The following CDKL5 variants were observed in gnomAD, a reference collection of about 807,000 sequenced individuals.
CDKL5 encodes cyclin dependent kinase like 5.
Under a neutral mutation model 61.7 loss-of-function variants are expected in CDKL5, and 8 were observed. The observed-to-expected ratio is 0.13, with a 90% CI of 0.08 to 0.23. The LOEUF is 0.23. Ranked by LOEUF, CDKL5 falls within the 10% of genes least tolerant of loss-of-function variation. The pLI, the probability that CDKL5 is intolerant of heterozygous loss-of-function variation, is 1.00. For missense variants in CDKL5, 440 were observed against 734.5 expected, an observed-to-expected ratio of 0.60 and a Z score of 4.63; for synonymous variants, 275 against 272.3, an observed-to-expected ratio of 1.01 and a Z score of -0.10.
In CDKL5 at chrX:18,633,348, T is replaced by C. The variant is rs1927286605; in HGVS notation, c.*4591T>C. ...TTACTTATGGTTTGAAGAACCACAA[T>C]TGTTTTTGAAAGGGGACATAGAAAA... On this transcript the variant is annotated 3_prime_UTR_variant, in exon 18 of 18. Transcript: ENST00000623535. The C allele has an allele frequency of 2.1e-5, 16 of 752,773 alleles. No homozygotes were observed. The highest frequency in any genetic ancestry group is 2.5e-5 in the Non-Finnish European group (16 of 639,051). The allele number at this position is 752,773 out of a possible 1,213,427, so 62.0% of individuals were successfully genotyped here.
chrX:18,472,549 T>C (rs1161221182), intron 1 of CDKL5, among the ~76,000 whole-genome samples: 2 of 111,824 alleles, frequency 1.8e-5, no homozygotes, highest in African/African-American at 6.5e-5. Flanking sequence ...TATTCCACTC[T>C]AGCAATAATG....
rs577247191 is a variant in CDKL5, at chrX:18,508,275, T to A, written c.64+1115T>A. The stretch of plus-strand genomic sequence containing the variant: ...TGAACAGCAAAGCTGTTATTAAGTT[T>A]TAAAGTTGGCAAATCCTTTCAAATA... On this transcript the variant is annotated intron_variant, in intron 2 of 17. Coordinates refer to ENST00000623535, the MANE Select transcript of CDKL5 (RefSeq NM_001323289.2). 2.7e-5 allele frequency among the ~76,000 whole-genome samples: 3 copies of A among 112,530 alleles called. No individual in the cohort carries two copies. In the South Asian group the frequency reaches 1.1e-3, roughly 40 times the overall value.
chrX:18,624,391 G>A (rs1179802955), intron 16 of CDKL5, among the ~76,000 whole-genome samples: 2 of 112,598 alleles, frequency 1.8e-5, no homozygotes, highest in African/African-American at 3.2e-5. Context: ...AAGCCAAGTT[G>A]AATTGACCAA....
chrX:18,454,034 A>G (rs1932082769), intron 1 of CDKL5, among the ~76,000 whole-genome samples: 1 of 111,608 alleles, frequency 9.0e-6, no homozygotes, highest in African/African-American at 3.3e-5. Flanking sequence ...GGTGGTTAGT[A>G]TCCTTGGGGC....
chrX:18,507,989 GA>G (rs1217148129), intron 2 of CDKL5, among the ~76,000 whole-genome samples: 1 of 110,750 alleles, frequency 9.0e-6, no homozygotes, highest in Non-Finnish European at 1.9e-5. Flanking sequence ...CCATTGATTT[GA>G]TGAAATATGA....
At chrX:18,467,400 G>A (rs1230026559) in intron 1 of CDKL5, among the ~76,000 whole-genome samples, 1 of 111,667 alleles carries the variant, frequency 9.0e-6, no homozygotes, top group Admixed American at 9.6e-5. Flanking sequence ...AGTGGGATCA[G>A]TTCTTCTTTC....
chrX:18,473,145 AG>A (rs1338528924), intron 1 of CDKL5, among the ~76,000 whole-genome samples: 1 of 108,449 alleles, frequency 9.2e-6, no homozygotes, highest in African/African-American at 3.4e-5. Flanking sequence ...TAGTAGAGAG[AG>A]GGGGGTTTCA....
chrX:18,473,136 A>G (rs1460389380), intron 1 of CDKL5, among the ~76,000 whole-genome samples: 3 of 108,620 alleles, frequency 2.8e-5, no homozygotes, highest in African/African-American at 1.0e-4. Context: ...TTGTATTTTT[A>G]GTAGAGAGAG....
Position 18,630,190 on chromosome X carries a change from C to T in CDKL5, c.*1433C>T, listed in dbSNP as rs1027627440. Reference sequence around the variant, plus strand: ...ACAAGATTTTCATGCACACCTGTTACGCACACAACCCCCATCAGAACAGGA... The same window carrying T: ...ACAAGATTTTCATGCACACCTGTTATGCACACAACCCCCATCAGAACAGGA... On this transcript the variant is annotated 3_prime_UTR_variant, in exon 18 of 18. Transcript: ENST00000623535. 6.7e-6 allele frequency: 5 copies of T among 751,067 alleles called. No homozygotes were observed. In the African/African-American group the frequency reaches 9.3e-5, roughly 14 times the overall value. 61.9% of individuals were successfully genotyped at this position (751,067 alleles called of 1,213,427 possible). A position where few individuals can be genotyped will look rare whatever the true frequency, so the allele number is the denominator to read the frequency against.
intron 1 of CDKL5, among the ~76,000 whole-genome samples, chrX:18,460,717 C>G (rs1034141484): frequency 2.7e-4 from 30 of 110,973 alleles, no homozygotes; most frequent in African/African-American, 8.9e-4. Flanking sequence ...CCCAGGCTAG[C>G]CTTGAACTCC....
intron 1 of CDKL5, among the ~76,000 whole-genome samples, chrX:18,435,425 T>G: frequency 8.9e-6 from 1 of 112,220 alleles, no homozygotes; most frequent in African/African-American, 3.2e-5. Context: ...AATTATTTAT[T>G]TCTCAAATAA....
chrX:18,652,643 TG>T lies in CDKL5; in HGVS notation c.2981-786del, dbSNP rs746279522. Among the ~76,000 whole-genome samples, 4 of 107,712 alleles carry T rather than the reference TG, an allele frequency of 3.7e-5. No individual in the cohort carries two copies. In the East Asian group the frequency reaches 1.2e-3, roughly 31 times the overall value. The allele number at this position is 107,712 out of a possible 115,157, so 93.5% of individuals were successfully genotyped here. A position where few individuals can be genotyped will look rare whatever the true frequency, so the allele number is the denominator to read the frequency against. The stretch of plus-strand genomic sequence containing the variant: ...AAGATCGTGCCACTGCACTCCAGCT[TG>T]GGCAACAGAGCCAGACTACATTTCA... On this transcript the variant is annotated intron_variant, in intron 21 of 21. Transcript: ENST00000379989.
intron 1 of CDKL5, among the ~76,000 whole-genome samples, chrX:18,503,220 A>G (rs958151050): frequency 5.3e-5 from 6 of 112,469 alleles, no homozygotes; most frequent in African/African-American, 9.7e-5. Context: ...GTCTGGCTCT[A>G]TTGTCCAGGC....
At chrX:18,451,254 T>C (rs957132868) in intron 1 of CDKL5, among the ~76,000 whole-genome samples, 2 of 111,548 alleles carry the variant, frequency 1.8e-5, no homozygotes, top group Non-Finnish European at 3.8e-5. Context: ...TGCAATGGCA[T>C]GATCTCGGCT....
In CDKL5 at chrX:18,481,182, C is replaced by T. The variant is rs757782534; in HGVS notation, c.-162-25753C>T. Among the ~76,000 whole-genome samples the T allele has an allele frequency of 6.4e-5, 7 of 108,562 alleles. No individual in the cohort carries two copies. The South Asian group carries it at 2.8e-3, about 43-fold the overall frequency. The allele number at this position is 108,562 out of a possible 115,157, so 94.3% of individuals were successfully genotyped here. A position where few individuals can be genotyped will look rare whatever the true frequency, so the allele number is the denominator to read the frequency against. ...CCTTCTTTTTTCTTTCTCTCTTTCT[C>T]CTCCTCCTCCTCCTTCTCTCTCTCT... On this transcript the variant is annotated intron_variant, in intron 1 of 17. Coordinates refer to ENST00000623535, the MANE Select transcript of CDKL5 (RefSeq NM_001323289.2).
chrX:18,645,132 G>A (rs977630153), downstream of CDKL5, among the ~76,000 whole-genome samples: 10 of 112,598 alleles, frequency 8.9e-5, no homozygotes, highest in African/African-American at 3.2e-4. Flanking sequence ...CCAGATAACC[G>A]TTGAAGCAAC....
intron 15 of CDKL5, among the ~76,000 whole-genome samples, chrX:18,613,635 C>T (rs1462185962): frequency 2.7e-5 from 3 of 111,709 alleles, no homozygotes; most frequent in Non-Finnish European, 5.6e-5. Flanking sequence ...CTCATAGTCA[C>T]ACTGTGCTTC....
intron 2 of CDKL5, among the ~76,000 whole-genome samples, chrX:18,509,197 GCACACACACACACACACACACACACACA>G (rs60516677): frequency 3.1e-5 from 2 of 64,313 alleles, no homozygotes; most frequent in Non-Finnish European, 5.6e-5. Flanking sequence ...CTCAAAACAC[GCACACACACACACACACACACACACACA>G]CACACACACA....
chrX:18,523,930 T>G (rs1427169658), intron 3 of CDKL5, among the ~76,000 whole-genome samples: 10 of 112,211 alleles, frequency 8.9e-5, no homozygotes, highest in Non-Finnish European at 1.7e-4. Flanking sequence ...TGTGTTTTGA[T>G]CTTGTATTAT....
Sources: allele counts gnomAD v4.1 joint callset (sites outside exome capture counted in the v4.1 genomes callset), GRCh38; gene constraint gnomAD v4.1.1; transcripts MANE v1.5; gene names NCBI Gene and HGNC (gene_info 2026-07-23, HGNC 2026-07-21).